The following CAMK2B variants were observed in gnomAD, a reference collection of about 807,000 sequenced individuals.
CAMK2B encodes calcium/calmodulin dependent protein kinase II beta.
In CAMK2B, 27 loss-of-function variants were observed where a neutral mutation model predicts 93.7. The observed-to-expected ratio is 0.29, with a 90% CI of 0.21 to 0.40. The LOEUF is 0.40. Among genes scored for constraint, CAMK2B ranks in the 10% least tolerant of loss-of-function variants. The probability of loss-of-function intolerance (pLI) is 1.00; values close to 1 mark genes in which losing one functional copy is unlikely to be tolerated. For synonymous variants in CAMK2B, 374 were observed against 358.8 expected (o/e 1.04, Z -0.48); for missense variants, 568 against 895.8 (o/e 0.63, Z 4.67).
chr7:44,283,160 A>G (rs1434417253), intron 2 of CAMK2B, among the ~76,000 whole-genome samples: 2 of 152,208 alleles, frequency 1.3e-5, no homozygotes, highest in South Asian at 4.1e-4. Context: ...CCCCTGCCAT[A>G]GTCCCTCCCC....
At chr7:44,298,968 T>C (rs1286461501) in intron 1 of CAMK2B, among the ~76,000 whole-genome samples, 1 of 152,216 alleles carries the variant, frequency 6.6e-6, no homozygotes, top group Non-Finnish European at 1.5e-5. Flanking sequence ...TTGCAGCCAC[T>C]GTGAAAAACA....
chr7:44,221,085 G>C, intron 20 of CAMK2B, 184 bp from the exon 21 acceptor site: 2 of 587,742 alleles, frequency 3.4e-6, no homozygotes, highest in Non-Finnish European at 3.0e-6. Flanking sequence ...TCATTTTCAA[G>C]TGCAACAGCT....
chr7:44,294,284 A>G (rs1215027632), intron 1 of CAMK2B, among the ~76,000 whole-genome samples: 1 of 152,198 alleles, frequency 6.6e-6, no homozygotes, highest in Non-Finnish European at 1.5e-5. Context: ...AGGCAGGACA[A>G]GGACACAGGC....
chr7:44,274,572 G>A lies in CAMK2B; in HGVS notation c.160+9559C>T, dbSNP rs74925584. Among the ~76,000 whole-genome samples, 822 of 152,292 alleles carry A rather than the reference G, an allele frequency of 5.4e-3. 8 individuals are homozygous for A. The highest frequency in any genetic ancestry group is 0.019 in the African/African-American group (785 of 41,550). ...TCCGAATCCCCTTCTCCTTCCATCG[G>A]TGGTCACTACCACTCCCCAACCAGC... On this transcript the variant is annotated intron_variant, in intron 2 of 23. Transcript: ENST00000395749.
rs1010209930 is a variant in CAMK2B, at chr7:44,225,835, C to G, written c.1597+681G>C. On this transcript the variant is annotated intron_variant, in intron 20 of 23. Transcript: ENST00000395749. The surrounding 1 kb of genome is among the most constrained non-coding windows in gnomAD (Gnocchi z 5.0). ...TCTAAGAGTATCTCCACACCACCCC[C>G]AGTCTGGTGTCTCCCCACAGGTGGG... The G allele has an allele frequency of 7.8e-7, 1 of 1,289,380 alleles. No individual in the cohort carries two copies. Among genetic ancestry groups the G allele is most frequent in the Non-Finnish European group, 1.0e-6 (1 of 988,702 alleles). The allele number at this position is 1,289,380 out of a possible 1,614,324, so 79.9% of individuals were successfully genotyped here. A position where few individuals can be genotyped will look rare whatever the true frequency, so the allele number is the denominator to read the frequency against.
At chr7:44,321,165 G>A (rs920018181) in intron 1 of CAMK2B, among the ~76,000 whole-genome samples, 21 of 152,210 alleles carry the variant, frequency 1.4e-4, no homozygotes, top group Non-Finnish European at 2.9e-4. Flanking sequence ...CCTGGCAACC[G>A]GCTCAGAGCT....
At chr7:44,251,215 C>T (rs2096777400) in intron 5 of CAMK2B, among the ~76,000 whole-genome samples, 1 of 152,220 alleles carries the variant, frequency 6.6e-6, no homozygotes, top group Non-Finnish European at 1.5e-5. Context: ...TGTCCTTTAC[C>T]TCTGTCTCAG....
At chr7:44,324,179 C>T (rs1017500597) in intron 1 of CAMK2B, among the ~76,000 whole-genome samples, 1 of 152,260 alleles carries the variant, frequency 6.6e-6, no homozygotes, top group Admixed American at 6.5e-5. Flanking sequence ...GCGTCCCTCA[C>T]CCACCACAAG....
chr7:44,244,677 C>G (rs754011088), intron 6 of CAMK2B, among the ~76,000 whole-genome samples: 25 of 151,996 alleles, frequency 1.6e-4, no homozygotes, highest in Middle Eastern at 3.4e-3. Context: ...CCTCAGAGAT[C>G]TTGAAATGTG....
chr7:44,243,605 A>C, intron 6 of CAMK2B, 78 bp from the exon 7 acceptor site: 1 of 1,074,652 alleles, frequency 9.3e-7, no homozygotes, highest in Non-Finnish European at 1.4e-6. Flanking sequence ...GGGGGGTTAC[A>C]AAACAGAGAA....
At chr7:44,220,424 C>T in intron 22 of CAMK2B, 130 bp from the exon 23 acceptor site, 1 of 864,718 alleles carries the variant, frequency 1.2e-6, no homozygotes, top group Non-Finnish European at 1.8e-6. Context: ...CTCCTGGGAG[C>T]AGCATGGGCC....
intron 1 of CAMK2B, among the ~76,000 whole-genome samples, chr7:44,315,857 T>G (rs1363576573): frequency 1.3e-5 from 2 of 152,204 alleles, no homozygotes; most frequent in Non-Finnish European, 2.9e-5. Context: ...TTTGTTATTT[T>G]GAACTTCTAG....
intron 5 of CAMK2B, among the ~76,000 whole-genome samples, chr7:44,249,669 GA>G (rs2096761679): frequency 6.6e-6 from 1 of 152,140 alleles, no homozygotes; most frequent in African/African-American, 2.4e-5. Context: ...TGGTCACCAG[GA>G]AGTGCCACCT....
chr7:44,255,785 T>A (rs1052661910), intron 4 of CAMK2B, among the ~76,000 whole-genome samples: 20 of 152,112 alleles, frequency 1.3e-4, no homozygotes, highest in African/African-American at 4.8e-4. Context: ...ATGTGGGTGC[T>A]CTCTCAGCAC....
At chr7:44,238,446 C>T (rs1163338323) in intron 13 of CAMK2B, among the ~76,000 whole-genome samples, 7 of 152,226 alleles carry the variant, frequency 4.6e-5, no homozygotes, top group Non-Finnish European at 5.9e-5. Context: ...TCACAGCCCC[C>T]TCCCGCCTGC....
At chr7:44,280,651 G>A (rs897959544) in intron 2 of CAMK2B, among the ~76,000 whole-genome samples, 2 of 152,200 alleles carry the variant, frequency 1.3e-5, no homozygotes, top group African/African-American at 2.4e-5. Context: ...ACATGTCACG[G>A]AGCTTCTCCT....
intron 2 of CAMK2B, among the ~76,000 whole-genome samples, chr7:44,266,200 C>T (rs372429762): frequency 1.2e-4 from 19 of 152,236 alleles, no homozygotes; most frequent in African/African-American, 4.6e-4. Context: ...TATAATGTGA[C>T]TCTGGATAGG....
chr7:44,323,770 C>G (rs1796757510), intron 1 of CAMK2B: 1 of 155,098 alleles, frequency 6.4e-6, no homozygotes, highest in Admixed American at 6.5e-5. Context: ...CCCACTGTTG[C>G]TCTCTTCCTC....
At position 44,286,324 on chromosome 7, in the gene CAMK2B, G is replaced by A. The variant is rs1425613223; in HGVS notation, c.66-2099C>T. 6.6e-6 allele frequency among the ~76,000 whole-genome samples: 1 copy of A among 152,188 alleles called. No homozygotes were observed. Among genetic ancestry groups the A allele is most frequent in the Admixed American group, 6.5e-5 (1 of 15,284 alleles). ...CACTGAGTGTTCTGGACCAGGCCCT[G>A]AAGGGAGCAGGGAGTCTGGGCCTCC... On this transcript the variant is annotated intron_variant, in intron 1 of 23. Coordinates refer to ENST00000395749, the MANE Select transcript of CAMK2B (RefSeq NM_001220.5). The surrounding 1 kb of genome is among the most constrained non-coding windows in gnomAD (Gnocchi z 4.0).
Sources: allele counts gnomAD v4.1 joint callset (sites outside exome capture counted in the v4.1 genomes callset), GRCh38; gene constraint gnomAD v4.1.1; non-coding constraint Gnocchi (gnomAD v3.1); transcripts MANE v1.5; gene names NCBI Gene and HGNC (gene_info 2026-07-23, HGNC 2026-07-21).